The following CLMP variants were observed in gnomAD, a reference collection of about 807,000 sequenced individuals.
CLMP encodes CXADR like cell adhesion molecule, also known as CXADR-like membrane protein.
In CLMP, 27 loss-of-function variants were observed where a neutral mutation model predicts 45.2. That is an observed-to-expected ratio of 0.60 (90% CI 0.44 to 0.82). CLMP has a LOEUF of 0.82. CLMP is among the 40% of genes least tolerant of loss of function. CLMP has a pLI of 0.00. For synonymous variants in CLMP, 167 were observed against 171.4 expected, an observed-to-expected ratio of 0.97 and a Z score of 0.20; for missense variants, 403 against 448.4, an observed-to-expected ratio of 0.90 and a Z score of 0.91.
At chr11:123,174,751 A>G (rs1861676805) in intron 1 of CLMP, among the ~76,000 whole-genome samples, 1 of 152,206 alleles carries the variant, frequency 6.6e-6, no homozygotes, top group Non-Finnish European at 1.5e-5. Context: ...TCTAGAAATT[A>G]GGAAGCACTT....
intron 1 of CLMP, among the ~76,000 whole-genome samples, chr11:123,138,196 G>A (rs1407359939): frequency 6.6e-6 from 1 of 151,944 alleles, no homozygotes; most frequent in Non-Finnish European, 1.5e-5. Context: ...AGATACACAT[G>A]GACTGTTTTT....
intron 1 of CLMP, among the ~76,000 whole-genome samples, chr11:123,139,478 A>T (rs932004195): frequency 2.0e-4 from 31 of 152,294 alleles, no homozygotes; most frequent in African/African-American, 7.2e-4. Context: ...CTGCAATACA[A>T]AGGAGTTGGG....
chr11:123,118,982 T>TC (rs1860764703), intron 1 of CLMP, among the ~76,000 whole-genome samples: 3 of 55,098 alleles, frequency 5.4e-5, no homozygotes, highest in Non-Finnish European at 6.7e-5. Flanking sequence ...TCTTTCTTTC[T>TC]TTCTTTCTTT....
chr11:123,086,093 G>C lies in CLMP; in HGVS notation c.187-1380C>G, dbSNP rs1439267713. On this transcript the variant is annotated intron_variant, in intron 2 of 6. Transcript: ENST00000448775. ...CGCCTGGCCCTAATTTTTTATTTTAGTAGAGATGGGGTTTCACCATTCTGG... is the reference window on the plus strand; with the variant it reads ...CGCCTGGCCCTAATTTTTTATTTTACTAGAGATGGGGTTTCACCATTCTGG... Among the ~76,000 whole-genome samples the C allele has an allele frequency of 5.3e-5, 8 of 150,032 alleles. 1 individual carries two copies. The highest frequency in any genetic ancestry group is 2.7e-4 in the Admixed American group (4 of 15,028).
At chr11:123,183,630 T>C (rs1291889034) in intron 1 of CLMP, among the ~76,000 whole-genome samples, 1 of 152,170 alleles carries the variant, frequency 6.6e-6, no homozygotes, top group Non-Finnish European at 1.5e-5. Flanking sequence ...GAATCCTGCA[T>C]TCCATGTCCT....
At chr11:123,146,393 A>G (rs1401139151) in intron 1 of CLMP, among the ~76,000 whole-genome samples, 1 of 152,158 alleles carries the variant, frequency 6.6e-6, no homozygotes, top group African/African-American at 2.4e-5. Flanking sequence ...TACACACTCA[A>G]TAAATATTGG....
At chr11:123,134,365 TC>T (rs1251102921) in intron 1 of CLMP, among the ~76,000 whole-genome samples, 2 of 152,102 alleles carry the variant, frequency 1.3e-5, no homozygotes, top group African/African-American at 2.4e-5. Context: ...TCTCCTACAC[TC>T]CCCTTGAATA....
At chr11:123,157,645 G>T (rs543157021) in intron 1 of CLMP, among the ~76,000 whole-genome samples, 4 of 149,870 alleles carry the variant, frequency 2.7e-5, no homozygotes, top group Non-Finnish European at 5.9e-5. Context: ...CTTGAACCCC[G>T]AGTGGGGCAG....
chr11:123,145,863 A>G (rs1275640255), intron 1 of CLMP, among the ~76,000 whole-genome samples: 1 of 152,202 alleles, frequency 6.6e-6, no homozygotes, highest in Admixed American at 6.6e-5. Flanking sequence ...TAAGTGCACT[A>G]GGAAATTAGC....
chr11:123,116,872 TG>T (rs1467985865), intron 1 of CLMP, among the ~76,000 whole-genome samples: 1 of 152,134 alleles, frequency 6.6e-6, no homozygotes, highest in Non-Finnish European at 1.5e-5. Flanking sequence ...TGTAGTTTAG[TG>T]TTATTTCCCT....
intron 1 of CLMP, among the ~76,000 whole-genome samples, chr11:123,118,717 C>T (rs536816786): frequency 2.6e-4 from 40 of 152,218 alleles, no homozygotes; most frequent in Admixed American, 2.4e-3. Flanking sequence ...GAAAATGTCG[C>T]GTCTCAGCAA....
intron 1 of CLMP, among the ~76,000 whole-genome samples, chr11:123,115,670 G>A (rs1345337161): frequency 6.6e-6 from 1 of 152,136 alleles, no homozygotes; most frequent in African/African-American, 2.4e-5. Flanking sequence ...ACATGGTGGG[G>A]CCTTCCAAGG....
At chr11:123,153,393 C>T (rs1288073179) in intron 1 of CLMP, among the ~76,000 whole-genome samples, 1 of 152,164 alleles carries the variant, frequency 6.6e-6, no homozygotes, top group Non-Finnish European at 1.5e-5. Flanking sequence ...TTGCCGTGAC[C>T]ATATTTGTCC....
intron 2 of CLMP, among the ~76,000 whole-genome samples, chr11:123,087,196 GC>G (rs201528504): frequency 0.021 from 3,159 of 152,284 alleles, 102 homozygotes; most frequent in East Asian, 0.17. Context: ...AATTAGCCGG[GC>G]GTGATGGCGC....
At chr11:123,091,168 A>C (rs1293367793) in intron 2 of CLMP, among the ~76,000 whole-genome samples, 4 of 151,908 alleles carry the variant, frequency 2.6e-5, no homozygotes, top group Admixed American at 6.6e-5. Context: ...GCAGTGCCAC[A>C]ATCTTGGCTC....
At chr11:123,184,132 T>G (rs1861803406) in intron 1 of CLMP, among the ~76,000 whole-genome samples, 1 of 152,212 alleles carries the variant, frequency 6.6e-6, no homozygotes, top group South Asian at 2.1e-4. Context: ...TTTCGCTTTG[T>G]CGCCCAGGCT....
intron 1 of CLMP, among the ~76,000 whole-genome samples, chr11:123,188,440 C>CTCTTCCTCCTCT (rs1189659297): frequency 1.8e-5 from 1 of 55,344 alleles, no homozygotes; most frequent in African/African-American, 7.2e-5. Flanking sequence ...CTTCCTCCTC[C>CTCTTCCTCCTCT]TCTTCCTCCT....
At chr11:123,116,898 GAA>G (rs1336402835) in intron 1 of CLMP, among the ~76,000 whole-genome samples, 1 of 152,082 alleles carries the variant, frequency 6.6e-6, no homozygotes, top group Non-Finnish European at 1.5e-5. Context: ...CAAATTCCAG[GAA>G]AATATATTAT....
At position 123,072,390 on chromosome 11, in the gene CLMP, C is replaced by T. The variant is rs991322380; in HGVS notation, c.*1084G>A. 1 of 151,606 alleles carries T rather than the reference C, an allele frequency of 6.6e-6. No homozygotes were observed. The highest frequency in any genetic ancestry group is 2.4e-5 in the African/African-American group (1 of 41,232). 9.4% of individuals were successfully genotyped at this position (151,606 alleles called of 1,614,324 possible). A position where few individuals can be genotyped will look rare whatever the true frequency, so the allele number is the denominator to read the frequency against. The stretch of plus-strand genomic sequence containing the variant: ...ATGGCATAATCTTGGCTCACTGCAA[C>T]CTCCACCTGCTGGATTTTCCTACAG... On this transcript the variant is annotated 3_prime_UTR_variant, in exon 7 of 7. Transcript: ENST00000448775.
Sources: allele counts gnomAD v4.1 joint callset (sites outside exome capture counted in the v4.1 genomes callset), GRCh38; gene constraint gnomAD v4.1.1; transcripts MANE v1.5; gene names NCBI Gene and HGNC (gene_info 2026-07-23, HGNC 2026-07-21).